Variants in PAPPA2 observed in about 807,000 individuals in gnomAD.
PAPPA2 encodes pappalysin 2, also known as pappalysin-2.
Under a neutral mutation model 176.4 loss-of-function variants are expected in PAPPA2, and 86 were observed. That is an observed-to-expected ratio of 0.49 (90% confidence interval 0.41 to 0.58). The LOEUF (loss-of-function observed/expected upper bound fraction) is 0.58. Ranked by LOEUF, PAPPA2 falls within the 20% of genes least tolerant of loss-of-function variation. The pLI is 0.00. For missense variants in PAPPA2, 2,073 were observed against 2,256.9 expected, an observed-to-expected ratio of 0.92 and a Z score of 1.65; for synonymous variants, 809 against 852.2, an observed-to-expected ratio of 0.95 and a Z score of 0.88.
At chr1:176,479,364 C>T (rs1652281224) in intron 1 of PAPPA2, among the ~76,000 whole-genome samples, 1 of 152,190 alleles carries the variant, frequency 6.6e-6, no homozygotes, top group East Asian at 1.9e-4. Flanking sequence ...TAAGGACTCA[C>T]CAGATCATTA....
intron 1 of PAPPA2, among the ~76,000 whole-genome samples, chr1:176,505,391 A>G (rs938262489): frequency 2.6e-5 from 4 of 152,096 alleles, no homozygotes; most frequent in Non-Finnish European, 5.9e-5. Flanking sequence ...ACAACTGAAC[A>G]AAGTACATGA....
chr1:176,655,513 G>A (rs1326434303), intron 3 of PAPPA2, among the ~76,000 whole-genome samples: 1 of 151,706 alleles, frequency 6.6e-6, no homozygotes, highest in Non-Finnish European at 1.5e-5. Flanking sequence ...CCAACAAGCG[G>A]ATTAAAAAAT....
At chr1:176,731,674 T>C in intron 12 of PAPPA2, among the ~76,000 whole-genome samples, 1 of 151,442 alleles carries the variant, frequency 6.6e-6, no homozygotes, top group East Asian at 1.9e-4. Flanking sequence ...TGTACATATA[T>C]GTGTATATAT....
chr1:176,600,337 T>A (rs974356108), intron 3 of PAPPA2, among the ~76,000 whole-genome samples: 23 of 152,156 alleles, frequency 1.5e-4, no homozygotes, highest in Non-Finnish European at 3.2e-4. Flanking sequence ...GGAGTTAGTC[T>A]CTGAACTAGA....
chr1:176,531,741 T>A (rs1649822152), intron 1 of PAPPA2, among the ~76,000 whole-genome samples: 1 of 152,146 alleles, frequency 6.6e-6, no homozygotes, highest in Non-Finnish European at 1.5e-5. Flanking sequence ...TTTACACAGA[T>A]CCCCAGGATT....
chr1:176,645,574 T>A (rs12138651), intron 3 of PAPPA2, among the ~76,000 whole-genome samples: 37,842 of 151,590 alleles, frequency 0.25, 4,855 homozygotes, highest in South Asian at 0.33. Flanking sequence ...TATCTCTTCA[T>A]TATATTGATT....
At chr1:176,833,732 C>G (rs1254343436) in intron 21 of PAPPA2, among the ~76,000 whole-genome samples, 1 of 152,008 alleles carries the variant, frequency 6.6e-6, no homozygotes, top group Non-Finnish European at 1.5e-5. Context: ...TATGATACAC[C>G]TCCAAATGTA....
intron 15 of PAPPA2, among the ~76,000 whole-genome samples, chr1:176,766,986 T>G (rs10798481): frequency 0.39 from 58,446 of 151,664 alleles, 12,114 homozygotes; most frequent in Middle Eastern, 0.55. Context: ...GAGATGTCAG[T>G]ATTTAAAGGT....
At chr1:176,635,643 C>A (rs182834457) in intron 3 of PAPPA2, among the ~76,000 whole-genome samples, 1 of 152,266 alleles carries the variant, frequency 6.6e-6, no homozygotes, top group Non-Finnish European at 1.5e-5. Context: ...TTCCACTCAA[C>A]TTTCCTTGTT....
intron 17 of PAPPA2, among the ~76,000 whole-genome samples, chr1:176,776,255 T>A (rs189974087): frequency 3.3e-5 from 5 of 152,316 alleles, no homozygotes; most frequent in Admixed American, 2.0e-4. Context: ...TAGGTTAACG[T>A]CATTAGAGCC....
At chr1:176,615,740 T>C (rs1174379953) in intron 3 of PAPPA2, among the ~76,000 whole-genome samples, 1 of 152,196 alleles carries the variant, frequency 6.6e-6, no homozygotes, top group Admixed American at 6.5e-5. Flanking sequence ...TATACTAGTA[T>C]GAATGTGGGA....
At chr1:176,476,705 C>A (rs747199800) in intron 1 of PAPPA2, among the ~76,000 whole-genome samples, 12 of 152,176 alleles carry the variant, frequency 7.9e-5, no homozygotes, top group Non-Finnish European at 5.9e-5. Context: ...AGTTTTGGAA[C>A]CATGACTAGG....
At chr1:176,807,598 C>T (rs1470374238) in intron 21 of PAPPA2, among the ~76,000 whole-genome samples, 1 of 151,242 alleles carries the variant, frequency 6.6e-6, no homozygotes, top group Non-Finnish European at 1.5e-5. Context: ...CAGGTTCAAG[C>T]GATTCTGCTG....
At chr1:176,583,254 C>T (rs1653095937) in intron 2 of PAPPA2, among the ~76,000 whole-genome samples, 1 of 151,652 alleles carries the variant, frequency 6.6e-6, no homozygotes, top group Non-Finnish European at 1.5e-5. Flanking sequence ...TTATTTCCTT[C>T]TATTAATTTT....
chr1:176,516,184 A>G (rs1274472740), intron 1 of PAPPA2, among the ~76,000 whole-genome samples: 1 of 151,994 alleles, frequency 6.6e-6, no homozygotes, highest in Admixed American at 6.6e-5. Flanking sequence ...ATCTCCCCCA[A>G]GCTCAAGTCC....
At chr1:176,832,031 TTGG>T (rs1667099193) in intron 21 of PAPPA2, among the ~76,000 whole-genome samples, 1 of 152,162 alleles carries the variant, frequency 6.6e-6, no homozygotes, top group South Asian at 2.1e-4. Context: ...GACTAAAGTG[TTGG>T]TGGCAGAATC....
chr1:176,630,702 T>A (rs2102707839), intron 3 of PAPPA2, among the ~76,000 whole-genome samples: 1 of 152,270 alleles, frequency 6.6e-6, no homozygotes, highest in Non-Finnish European at 1.5e-5. Flanking sequence ...CTATACAGGC[T>A]CTGATAGAGG....
At chr1:176,485,277 G>C (rs1322552443) in intron 1 of PAPPA2, among the ~76,000 whole-genome samples, 1 of 152,042 alleles carries the variant, frequency 6.6e-6, no homozygotes, top group Non-Finnish European at 1.5e-5. Context: ...ATTAATAATG[G>C]CTTTCAAGTC....
intron 20 of PAPPA2, among the ~76,000 whole-genome samples, chr1:176,796,628 CTTT>C (rs765912942): frequency 1.3e-5 from 2 of 148,438 alleles, no homozygotes; most frequent in African/African-American, 2.5e-5. Flanking sequence ...TTCTTTCTTT[CTTT>C]TTCTTTCTTT....
Sources: gnomAD v4.1 joint callset for allele counts (sites outside exome capture counted in the v4.1 genomes callset) on GRCh38, gnomAD v4.1.1 for gene constraint, MANE v1.5 for transcripts, NCBI Gene and HGNC (gene_info 2026-07-23, HGNC 2026-07-21) for gene names.